PLPP3: variants seen among roughly 807,000 people sequenced by gnomAD.
PLPP3 encodes phospholipid phosphatase 3.
Under a neutral mutation model 29.6 loss-of-function variants are expected in PLPP3, and 6 were observed. The ratio of observed to expected loss-of-function variants is 0.20; its 90% CI spans 0.11 to 0.40. The LOEUF is 0.40. Ranked by LOEUF, PLPP3 falls within the 10% of genes least tolerant of loss-of-function variation. The probability of loss-of-function intolerance (pLI) is 1.00; values close to 1 mark genes in which losing one functional copy is unlikely to be tolerated. For missense variants in PLPP3, 308 were observed against 407.7 expected, an observed-to-expected ratio of 0.76 and a Z score of 2.11; for synonymous variants, 152 against 159.7, an observed-to-expected ratio of 0.95 and a Z score of 0.36.
In PLPP3 at chr1:56,512,150, T is replaced by C; in HGVS notation, c.636A>G (p.Leu212=). ...GCCAAGTGAAGCGGGCCTGCAGGTA[T>C]AGCTGGAGAAAGGAGACAAAAAGGA... The part of the protein sequence containing the change: ...FSMYTMLYLV[L]YLQARFTWRG... Residue 212 remains leucine (L), a splice_region_variant and synonymous_variant, in exon 5 of 6, where the codon CTA becomes CTG. Transcript: ENST00000371250. 3 of 1,590,506 alleles carry C rather than the reference T, an allele frequency of 1.9e-6. No individual in the cohort carries two copies. The highest frequency in any genetic ancestry group is 2.3e-5 in the South Asian group (2 of 87,908).
At chr1:56,558,933 G>A (rs1203115811) in intron 1 of PLPP3, among the ~76,000 whole-genome samples, 1 of 152,180 alleles carries the variant, frequency 6.6e-6, no homozygotes, top group Non-Finnish European at 1.5e-5. Flanking sequence ...ATCAGGCACT[G>A]TCCTAGAGTC....
At position 56,533,847 on chromosome 1, in the gene PLPP3, G is replaced by A. The variant is rs546043309; in HGVS notation, c.297+3108C>T. Among the ~76,000 whole-genome samples, 15 of 152,288 alleles carry A rather than the reference G, an allele frequency of 9.8e-5. No homozygotes were observed. The South Asian group carries it at 2.9e-3, about 29-fold the overall frequency. ...AGTCACAGAATGAGTAAGCACTCAA[G>A]TTGGGACATGTACCTAAGTCAGATG... On this transcript the variant is annotated intron_variant, in intron 2 of 5. Coordinates refer to ENST00000371250, the MANE Select transcript of PLPP3 (RefSeq NM_003713.5).
At chr1:56,525,997 C>T (rs531762786) in intron 2 of PLPP3, among the ~76,000 whole-genome samples, 4 of 152,168 alleles carry the variant, frequency 2.6e-5, no homozygotes, top group Non-Finnish European at 4.4e-5. Flanking sequence ...CAGCTATTAT[C>T]ACTGCCAACA....
intron 5 of PLPP3, among the ~76,000 whole-genome samples, chr1:56,509,402 A>G (rs1032351651): frequency 4.6e-5 from 7 of 152,170 alleles, no homozygotes; most frequent in Admixed American, 1.3e-4. Flanking sequence ...CTCCTTGCAG[A>G]GTGCAGAGGG....
chr1:56,551,313 T>TTGGTTTGGTTTGGTTTGGTTTGGTTTG (rs1267304234), intron 1 of PLPP3, among the ~76,000 whole-genome samples: 16 of 147,050 alleles, frequency 1.1e-4, no homozygotes, highest in African/African-American at 3.5e-4. Flanking sequence ...TCGGTTCGGT[T>TTGGTTTGGTTTGGTTTGGTTTGGTTTG]CGGTTCGGTT....
intron 1 of PLPP3, among the ~76,000 whole-genome samples, chr1:56,571,677 T>G (rs1020265242): frequency 2.0e-5 from 3 of 152,200 alleles, no homozygotes; most frequent in Admixed American, 1.3e-4. Flanking sequence ...TATTTACATA[T>G]TACTCTGTCT....
intron 1 of PLPP3, among the ~76,000 whole-genome samples, chr1:56,560,938 C>A (rs1475545118): frequency 6.7e-6 from 1 of 149,738 alleles, no homozygotes; most frequent in African/African-American, 2.5e-5. Flanking sequence ...CCAGGGTTCA[C>A]ACCATTCTCC....
At chr1:56,523,049 T>C (rs1017981316) in intron 4 of PLPP3, among the ~76,000 whole-genome samples, 1 of 152,192 alleles carries the variant, frequency 6.6e-6, no homozygotes, top group African/African-American at 2.4e-5. Context: ...AATCAAATCA[T>C]GGTTCTACTA....
At chr1:56,502,970 C>G (rs1221161028) in intron 5 of PLPP3, among the ~76,000 whole-genome samples, 2 of 152,160 alleles carry the variant, frequency 1.3e-5, no homozygotes, top group African/African-American at 4.8e-5. Context: ...TGAACAATCT[C>G]ATGGATTAAG....
chr1:56,538,537 C>A (rs558334283), intron 1 of PLPP3: 4 of 391,562 alleles, frequency 1.0e-5, no homozygotes, highest in Admixed American at 2.5e-5. Context: ...TATTTGGCCA[C>A]GTATATGAGA....
intron 2 of PLPP3, among the ~76,000 whole-genome samples, chr1:56,535,602 T>C (rs1483525241): frequency 6.6e-6 from 1 of 152,114 alleles, no homozygotes; most frequent in East Asian, 1.9e-4. Flanking sequence ...AAGCTCTCAA[T>C]AGCACATTTT....
intron 1 of PLPP3, among the ~76,000 whole-genome samples, chr1:56,560,814 C>A (rs1646119109): frequency 4.0e-5 from 6 of 149,402 alleles, no homozygotes. Flanking sequence ...GGGGGTTTTC[C>A]TCTCCCCATT....
chr1:56,519,628 T>A (rs1645805119), intron 4 of PLPP3, among the ~76,000 whole-genome samples: 1 of 152,144 alleles, frequency 6.6e-6, no homozygotes, highest in East Asian at 1.9e-4. Flanking sequence ...CCAGATAGCA[T>A]GTCATCCTCA....
chr1:56,510,829 C>T (rs1261199262), intron 5 of PLPP3, among the ~76,000 whole-genome samples: 1 of 152,166 alleles, frequency 6.6e-6, no homozygotes, highest in Non-Finnish European at 1.5e-5. Flanking sequence ...ATATATTACA[C>T]ATGGTCCCTG....
At chr1:56,543,360 A>C (rs1444816308) in intron 1 of PLPP3, among the ~76,000 whole-genome samples, 1 of 152,170 alleles carries the variant, frequency 6.6e-6, no homozygotes, top group Non-Finnish European at 1.5e-5. Context: ...CAAGTGAGTA[A>C]ATTGGTCACT....
chr1:56,506,414 C>T (rs568572785), intron 5 of PLPP3, among the ~76,000 whole-genome samples: 1 of 152,204 alleles, frequency 6.6e-6, no homozygotes, highest in African/African-American at 2.4e-5. Flanking sequence ...CAAAGAACGC[C>T]CTCGCCCTTC....
chr1:56,528,792 A>C (rs1038579789), intron 2 of PLPP3, among the ~76,000 whole-genome samples: 16 of 150,584 alleles, frequency 1.1e-4, no homozygotes, highest in Admixed American at 6.0e-4. Context: ...GGGTAGGACC[A>C]GAAAATGTAT....
chr1:56,496,487 G>T lies in PLPP3; in HGVS notation c.*64C>A. 2 of 1,580,816 alleles carry T rather than the reference G, an allele frequency of 1.3e-6. 1 individual carries two copies. Among genetic ancestry groups the T allele is most frequent in the Admixed American group, 3.4e-5 (2 of 59,100 alleles). On this transcript the variant is annotated 3_prime_UTR_variant, in exon 6 of 6. Transcript: ENST00000371250. ...TACATTCTACTGTCTGATGAGATTG[G>T]AGAGCAGCAAGAACTTGCTGTCAGC... is the stretch of plus-strand genomic sequence containing the variant.
intron 1 of PLPP3, among the ~76,000 whole-genome samples, chr1:56,553,382 C>A (rs929504196): frequency 1.3e-5 from 2 of 152,144 alleles, no homozygotes; most frequent in African/African-American, 4.8e-5. Flanking sequence ...GGTATGGGAG[C>A]TTTAGTTAGC....
Sources: gnomAD v4.1 joint callset for allele counts (sites outside exome capture counted in the v4.1 genomes callset) on GRCh38, gnomAD v4.1.1 for gene constraint, MANE v1.5 for transcripts, NCBI Gene and HGNC (gene_info 2026-07-23, HGNC 2026-07-21) for gene names.